Variants in GABRG3 observed in about 807,000 individuals in gnomAD.
GABRG3 encodes gamma-aminobutyric acid receptor subunit gamma-3.
GABRG3 carries 25 observed loss-of-function variants against 48.8 expected under a neutral mutation model. The ratio of observed to expected loss-of-function variants is 0.51; its 90% CI spans 0.37 to 0.72. The LOEUF is 0.72. Ranked by LOEUF, GABRG3 falls within the 30% of genes least tolerant of loss-of-function variation. GABRG3 has a pLI of 0.00. For missense variants in GABRG3, 394 were observed against 577.9 expected, an observed-to-expected ratio of 0.68 and a Z score of 3.26; for synonymous variants, 227 against 217.6, an observed-to-expected ratio of 1.04 and a Z score of -0.38.
chr15:27,351,318 G>GTA (rs1894576100), intron 5 of GABRG3, among the ~76,000 whole-genome samples: 1 of 148,544 alleles, frequency 6.7e-6, no homozygotes, highest in African/African-American at 2.5e-5. Flanking sequence ...TATGGTGTAT[G>GTA]TGTATGGTGT....
chr15:27,530,616 G>T (rs1891399859), intron 9 of GABRG3: 1 of 471,104 alleles, frequency 2.1e-6, no homozygotes, highest in Non-Finnish European at 4.4e-6. Flanking sequence ...TGCTCCAGAA[G>T]CCATCCTGCT....
rs984152245 is a variant in GABRG3, at chr15:27,352,842, TG to T, written c.574+23960del. ...TAGCAACACCTAACTCATAGGACTATGGGGGGCGTAAAATAAGACTCCAGCA... is the reference window on the plus strand; with the variant it reads ...TAGCAACACCTAACTCATAGGACTATGGGGGCGTAAAATAAGACTCCAGCA... On this transcript the variant is annotated intron_variant, in intron 5 of 9. Transcript: ENST00000615808. This position sits in a 1 kb window ranked among gnomAD's most constrained non-coding sequence, Gnocchi z 4.0. Among the ~76,000 whole-genome samples, 22 of 151,998 alleles carry T rather than the reference TG, an allele frequency of 1.4e-4. No homozygotes were observed. Among genetic ancestry groups the T allele is most frequent in the Non-Finnish European group, 1.5e-4 (10 of 67,986 alleles).
At chr15:27,030,781 G>T (rs920814074) in intron 3 of GABRG3, among the ~76,000 whole-genome samples, 12 of 152,068 alleles carry the variant, frequency 7.9e-5, no homozygotes, top group African/African-American at 2.9e-4. Context: ...TTTGAGTCCA[G>T]TAAGTGGAAG....
At chr15:27,101,857 A>AAT (rs1897364820) in intron 3 of GABRG3, among the ~76,000 whole-genome samples, 1 of 151,884 alleles carries the variant, frequency 6.6e-6, no homozygotes. Context: ...AAAAAAAAAA[A>AAT]AAAAAAAAAT....
chr15:27,251,858 C>G (rs897936302), intron 3 of GABRG3, among the ~76,000 whole-genome samples: 3 of 152,176 alleles, frequency 2.0e-5, no homozygotes, highest in Non-Finnish European at 4.4e-5. Flanking sequence ...GTCCTACCCC[C>G]TGTCTCTGCC....
chr15:27,427,773 A>G (rs1421004238), intron 5 of GABRG3, among the ~76,000 whole-genome samples: 4 of 152,290 alleles, frequency 2.6e-5, no homozygotes, highest in African/African-American at 9.6e-5. Flanking sequence ...GTATGTTGGA[A>G]ATTTTATTCT....
At chr15:27,155,879 G>C (rs1898410596) in intron 3 of GABRG3, among the ~76,000 whole-genome samples, 1 of 152,142 alleles carries the variant, frequency 6.6e-6, no homozygotes, top group Non-Finnish European at 1.5e-5. Context: ...TTAGTTGAGG[G>C]ATGGATGCCT....
At chr15:27,062,114 A>G (rs1896657139) in intron 3 of GABRG3, among the ~76,000 whole-genome samples, 1 of 152,096 alleles carries the variant, frequency 6.6e-6, no homozygotes, top group African/African-American at 2.4e-5. Flanking sequence ...TTCCTGTCCC[A>G]TGAGAGTGCC....
rs539031018 is a variant in GABRG3, at chr15:27,129,718, T to G, written c.270+102897T>G. Among the ~76,000 whole-genome samples the G allele has an allele frequency of 1.8e-3, 279 of 152,246 alleles. 1 individual carries two copies. The highest frequency in any genetic ancestry group is 5.8e-3 in the African/African-American group (241 of 41,570). ...CACTTGTTAGTTTCTGTTTTGTTTTTTTTTTTTTCATAACAGCCATGCTAA... is the reference window on the plus strand; with the variant it reads ...CACTTGTTAGTTTCTGTTTTGTTTTGTTTTTTTTCATAACAGCCATGCTAA... On this transcript the variant is annotated intron_variant, in intron 3 of 9. Transcript: ENST00000615808.
At chr15:27,192,603 G>GA (rs1888356108) in intron 3 of GABRG3, among the ~76,000 whole-genome samples, 1 of 152,050 alleles carries the variant, frequency 6.6e-6, no homozygotes, top group Non-Finnish European at 1.5e-5. Context: ...TCTCTGTATT[G>GA]GTTATTCTAG....
intron 2 of GABRG3, among the ~76,000 whole-genome samples, chr15:27,005,452 TAAAAA>T (rs1895566279): frequency 6.6e-6 from 1 of 152,178 alleles, no homozygotes; most frequent in Non-Finnish European, 1.5e-5. Context: ...ATTTTTAAGT[TAAAAA>T]GAAATTGTGA....
At chr15:27,359,806 G>T (rs1236658430) in intron 5 of GABRG3, among the ~76,000 whole-genome samples, 1 of 152,196 alleles carries the variant, frequency 6.6e-6, no homozygotes, top group African/African-American at 2.4e-5. Flanking sequence ...CAAAGCAGAA[G>T]CTTACATAAC....
intron 5 of GABRG3, among the ~76,000 whole-genome samples, chr15:27,393,358 A>AAAG (rs1566821461): frequency 2.5e-4 from 35 of 141,316 alleles, no homozygotes; most frequent in East Asian, 1.8e-3. Context: ...AAAAAAAAAA[A>AAAG]AAAAGAAAAG....
chr15:27,443,588 A>G (rs1888854352), intron 5 of GABRG3, among the ~76,000 whole-genome samples: 1 of 152,236 alleles, frequency 6.6e-6, no homozygotes, highest in African/African-American at 2.4e-5. Context: ...TATGTTCTAC[A>G]TACAGGATTA....
At chr15:27,393,126 A>T (rs1887189850) in intron 5 of GABRG3, among the ~76,000 whole-genome samples, 1 of 152,120 alleles carries the variant, frequency 6.6e-6, no homozygotes, top group Non-Finnish European at 1.5e-5. Flanking sequence ...CGGGCAGATC[A>T]CGAGGTCAGG....
intron 3 of GABRG3, among the ~76,000 whole-genome samples, chr15:27,136,123 C>T (rs1898004364): frequency 6.6e-6 from 1 of 152,136 alleles, no homozygotes; most frequent in Admixed American, 6.5e-5. Context: ...AGGCTCCATC[C>T]TTTGAGCTCC....
At chr15:26,981,958 T>A (rs1413072982) in intron 2 of GABRG3, among the ~76,000 whole-genome samples, 1 of 152,214 alleles carries the variant, frequency 6.6e-6, no homozygotes, top group Non-Finnish European at 1.5e-5. Context: ...TAGTGCAGCG[T>A]TGGAGAAATC....
intron 3 of GABRG3, among the ~76,000 whole-genome samples, chr15:27,153,542 A>G (rs1898362562): frequency 6.6e-6 from 1 of 152,148 alleles, no homozygotes. Context: ...TTTTTATACA[A>G]TTCGTGTTAA....
intron 3 of GABRG3, among the ~76,000 whole-genome samples, chr15:27,124,121 T>A (rs1897777938): frequency 6.6e-6 from 1 of 152,184 alleles, no homozygotes. Flanking sequence ...CACAGAAGAA[T>A]GGTCTGTGTG....
Sources: allele counts gnomAD v4.1 joint callset (sites outside exome capture counted in the v4.1 genomes callset), GRCh38; gene constraint gnomAD v4.1.1; non-coding constraint Gnocchi (gnomAD v3.1); transcripts MANE v1.5; gene names NCBI Gene and HGNC (gene_info 2026-07-23, HGNC 2026-07-21).